VWA5A: variants seen among roughly 807,000 people sequenced by gnomAD.
VWA5A encodes von Willebrand factor A domain-containing protein 5A.
A neutral mutation model predicts 84.6 loss-of-function variants in VWA5A; 77 were observed. The observed-to-expected ratio is 0.91, with a 90% CI of 0.76 to 1.10. The LOEUF is 1.10. Among genes scored for constraint, VWA5A ranks in the 50% least tolerant of loss-of-function variants. VWA5A has a pLI of 0.00. For synonymous variants in VWA5A, 334 were observed against 350.1 expected (o/e 0.95, Z 0.51); for missense variants, 973 against 963.0 (o/e 1.01, Z -0.14).
intron 7 of VWA5A, among the ~76,000 whole-genome samples, chr11:124,122,081 C>G (rs1454291224): frequency 1.3e-5 from 2 of 152,188 alleles, no homozygotes; most frequent in Non-Finnish European, 2.9e-5. Flanking sequence ...GAGCCAGATT[C>G]TATTGTCATA....
rs538945787 is a variant in VWA5A at position 124,125,166 on chromosome 11, T to C, written c.1244+850T>C. Among the ~76,000 whole-genome samples, 10 of 152,346 alleles carry C rather than the reference T, an allele frequency of 6.6e-5. No individual in the cohort carries two copies. The South Asian group carries it at 1.0e-3, about 16-fold the overall frequency. Reference sequence around the variant, plus strand: ...AATGCCAAACATTTTTCCAAATGATTGTACTAATTTAATTCATTAAATTGT... The same window carrying C: ...AATGCCAAACATTTTTCCAAATGATCGTACTAATTTAATTCATTAAATTGT... On this transcript the variant is annotated intron_variant, in intron 11 of 18. Coordinates refer to ENST00000456829, the MANE Select transcript of VWA5A (RefSeq NM_001130142.2).
At chr11:124,119,779 A>T (rs1438891030) in intron 7 of VWA5A, among the ~76,000 whole-genome samples, 1 of 152,232 alleles carries the variant, frequency 6.6e-6, no homozygotes, top group Non-Finnish European at 1.5e-5. Context: ...ACCTCCAAAG[A>T]ATGTTACGTA....
intron 17 of VWA5A, 89 bp from the exon 18 acceptor site, chr11:124,145,148 G>A: frequency 1.4e-6 from 2 of 1,479,832 alleles, no homozygotes; most frequent in East Asian, 4.7e-5. Flanking sequence ...GTGACATTTA[G>A]AAGGATGCTA....
At chr11:124,136,351 C>A in intron 13 of VWA5A, 58 bp downstream of exon 13, 1 of 1,575,110 alleles carries the variant, frequency 6.3e-7, no homozygotes, top group South Asian at 1.2e-5. Context: ...GACCATTCCA[C>A]TAAAGCTGGT....
intron 2 of VWA5A, 145 bp from the exon 3 acceptor site, chr11:124,117,352 T>G (rs1864847611): frequency 1.3e-6 from 1 of 774,654 alleles, no homozygotes; most frequent in African/African-American, 1.7e-5. Flanking sequence ...AATCTTTGTC[T>G]CCTTTTTTTT....
At chr11:124,125,474 G>T (rs1003839049) in intron 11 of VWA5A, among the ~76,000 whole-genome samples, 1 of 152,042 alleles carries the variant, frequency 6.6e-6, no homozygotes, top group Non-Finnish European at 1.5e-5. Context: ...TAGTAGAGAT[G>T]GGGTTTCACC....
rs949038338 is a variant in VWA5A, at chr11:124,137,203, A to G, written c.1814A>G (p.His605Arg). The change falls in exon 15 of 19, where the codon CAT (histidine) becomes CGT (arginine). Residue 605 changes from histidine to arginine, a missense_variant. By Grantham distance (29) the His-to-Arg change is conservative. Coordinates refer to ENST00000456829, the MANE Select transcript of VWA5A (RefSeq NM_001130142.2). ...LNKPVQGPLA[H>R]RDVPRPILLG... The stretch of plus-strand genomic sequence containing the variant: ...AAGCCGGTTCAGGGGCCTCTGGCTC[A>G]TAGGGACGTCCCAAGGCCAATTCTG... 6.2e-7 allele frequency: 1 copy of G among 1,614,070 alleles called. No individual in the cohort carries two copies. The highest frequency in any genetic ancestry group is 1.3e-5 in the African/African-American group (1 of 74,928).
chr11:124,124,264 A>C lies in VWA5A; in HGVS notation c.1192A>C (p.Thr398Pro). ...TTTTGTCTTTACAGATGGAGAAGTT[A>C]CAGACACGTTTAGTGTAATTAAAGA... Reference protein sequence around the residue: ...QLFVFTDGEVTDTFSVIKEVR... With the variant: ...QLFVFTDGEVPDTFSVIKEVR... The change falls in exon 11 of 19, where the codon ACA becomes CCA. Residue 398 changes from threonine (T) to proline (P), a missense_variant. By Grantham distance (38) the Thr-to-Pro change is conservative. Coordinates refer to ENST00000456829, the MANE Select transcript of VWA5A (RefSeq NM_001130142.2). 1 of 1,614,014 alleles carries C rather than the reference A, an allele frequency of 6.2e-7. No individual in the cohort carries two copies. The highest frequency in any genetic ancestry group is 1.3e-5 in the African/African-American group (1 of 75,048).
At chr11:124,117,175 C>T (rs750881986) in intron 2 of VWA5A, among the ~76,000 whole-genome samples, 46 of 152,188 alleles carry the variant, frequency 3.0e-4, no homozygotes, top group Non-Finnish European at 5.6e-4. Flanking sequence ...TTAGTGACAC[C>T]TACTCCATAT....
intron 18 of VWA5A, 147 bp from the exon 19 acceptor site, chr11:124,145,719 T>C: frequency 1.2e-6 from 1 of 849,104 alleles, no homozygotes; most frequent in Non-Finnish European, 1.8e-6. Context: ...CCAGAGAAGA[T>C]TCAAGGAGAA....
intron 15 of VWA5A, among the ~76,000 whole-genome samples, chr11:124,139,686 G>GC (rs36114569): frequency 0.098 from 14,460 of 147,872 alleles, 713 homozygotes; most frequent in South Asian, 0.17. Flanking sequence ...TTTAACAGGT[G>GC]TTTTTTTTTT....
rs1404562213 is a variant in VWA5A at position 124,141,701 on chromosome 11, T to G, written c.1983T>G (p.Ser661Arg). The change falls in exon 16 of 19, where the codon AGT (serine) becomes AGG (arginine). Residue 661 changes from serine to arginine, a missense_variant. Ser to Arg is a moderately radical substitution (Grantham distance 110, BLOSUM62 -1). Transcript: ENST00000456829. Reference protein sequence around the residue: ...KAKTFQMDDYSLCGLISHKDQ... With the variant: ...KAKTFQMDDYRLCGLISHKDQ... ...AGACATTCCAGATGGACGATTACAG[T>G]CTCTGTGGGTTGATAAGTCACAAGG... 3 of 1,614,164 alleles carry G rather than the reference T, an allele frequency of 1.9e-6. No homozygotes were observed. The highest frequency in any genetic ancestry group is 2.5e-6 in the Non-Finnish European group (3 of 1,180,026).
At chr11:124,123,271 G>T (rs562393791) in intron 8 of VWA5A, 95 bp from the exon 9 acceptor site, 1 of 1,513,694 alleles carries the variant, frequency 6.6e-7, no homozygotes, top group Non-Finnish European at 9.0e-7. Flanking sequence ...GGCACAAGGT[G>T]GGGGATGGCC....
intron 7 of VWA5A, among the ~76,000 whole-genome samples, chr11:124,120,052 G>C (rs574959180): frequency 1.3e-5 from 2 of 152,202 alleles, no homozygotes; most frequent in Admixed American, 1.3e-4. Flanking sequence ...CATTTTAACT[G>C]TTTTTAAGTG....
chr11:124,136,691 CCCTTCCTTCCTTCCTT>C lies in VWA5A; in HGVS notation c.1625+59_1625+74del, dbSNP rs370786608. On this transcript the variant is annotated intron_variant, in intron 14 of 18. Transcript: ENST00000456829. ...TGATGTCAAGTGAGAATTCAGTTTTCCCTTCCTTCCTTCCTTCCTTCCTTCCTTCCTTCCTTCCTTC... is the reference window on the plus strand; with the variant it reads ...TGATGTCAAGTGAGAATTCAGTTTTCCCTTCCTTCCTTCCTTCCTTCCTTC... 11,603 of 1,092,834 alleles carry C rather than the reference CCCTTCCTTCCTTCCTT, an allele frequency of 0.011. 185 individuals carry two copies. The highest frequency in any genetic ancestry group is 0.019 in the Middle Eastern group (83 of 4,306). 67.7% of individuals were successfully genotyped at this position (1,092,834 alleles called of 1,614,324 possible).
At chr11:124,133,346 G>T (rs187129563) in intron 11 of VWA5A, among the ~76,000 whole-genome samples, 1 of 152,112 alleles carries the variant, frequency 6.6e-6, no homozygotes, top group Admixed American at 6.5e-5. Flanking sequence ...TGTTCCTCCC[G>T]CCTGCGTGTA....
chr11:124,129,640 A>G (rs1001142247), intron 11 of VWA5A, among the ~76,000 whole-genome samples: 6 of 152,170 alleles, frequency 3.9e-5, no homozygotes, highest in African/African-American at 1.2e-4. Flanking sequence ...ACTATTAATT[A>G]CTGCCTCAAT....
intron 11 of VWA5A, 146 bp from the exon 12 acceptor site, chr11:124,134,774 A>G (rs1865147932): frequency 5.7e-6 from 3 of 525,340 alleles, no homozygotes; most frequent in South Asian, 3.6e-5. Flanking sequence ...CTCCTAAAAT[A>G]TAGAATATGC....
intron 7 of VWA5A, among the ~76,000 whole-genome samples, chr11:124,122,560 G>T (rs1042668769): frequency 4.6e-5 from 7 of 152,224 alleles, no homozygotes; most frequent in Non-Finnish European, 5.9e-5. Context: ...TAAGGCCCAT[G>T]TGATACATTT....
Sources: gnomAD v4.1 joint callset for allele counts (sites outside exome capture counted in the v4.1 genomes callset) on GRCh38, gnomAD v4.1.1 for gene constraint, MANE v1.5 for transcripts, NCBI Gene and HGNC (gene_info 2026-07-23, HGNC 2026-07-21) for gene names.